AFF3: variants seen among roughly 807,000 people sequenced by gnomAD.
AFF3 encodes the protein AF4/FMR2 family member 3.
AFF3 carries 32 observed loss-of-function variants against 129.7 expected under a neutral mutation model. The observed-to-expected ratio is 0.25, with a 90% CI of 0.19 to 0.33. The LOEUF (loss-of-function observed/expected upper bound fraction) is 0.33. Among genes scored for constraint, AFF3 ranks in the 10% least tolerant of loss-of-function variants. AFF3 has a pLI of 1.00. For synonymous variants in AFF3, 644 were observed against 635.4 expected, an observed-to-expected ratio of 1.01 and a Z score of -0.20; for missense variants, 1,373 against 1,592.0, an observed-to-expected ratio of 0.86 and a Z score of 2.34.
rs200905671 is a variant in AFF3 at position 100,006,730 on chromosome 2, C to T, written c.775G>A (p.Val259Met). ...ACTCCCCTGTATGATGTGCAGTGCA[C>T]GCTGGTTTCCGAAGACGACTTCAGC... ...PKLKSSSETS[V>M]HCTSYRGVPA... The change falls in exon 7 of 25, where the codon GTG becomes ATG. Residue 259 changes from valine to methionine, a missense_variant. Transcript: ENST00000672756. 439 of 1,614,082 alleles carry T rather than the reference C, an allele frequency of 2.7e-4. No homozygotes were observed. The highest frequency in any genetic ancestry group is 3.4e-4 in the Non-Finnish European group (406 of 1,180,022).
chr2:99,881,015 T>G (rs1692673729), intron 7 of AFF3, among the ~76,000 whole-genome samples: 1 of 152,082 alleles, frequency 6.6e-6, no homozygotes, highest in African/African-American at 2.4e-5. Context: ...CAACAGGCTT[T>G]CTATTTCTGA....
At chr2:99,930,174 G>C (rs1696570728) in intron 7 of AFF3, among the ~76,000 whole-genome samples, 1 of 152,086 alleles carries the variant, frequency 6.6e-6, no homozygotes, top group Non-Finnish European at 1.5e-5. Flanking sequence ...AACTATAAAA[G>C]AAGACTTTGT....
At chr2:99,925,667 C>T (rs1696185739) in intron 7 of AFF3, among the ~76,000 whole-genome samples, 1 of 152,194 alleles carries the variant, frequency 6.6e-6, no homozygotes, top group South Asian at 2.1e-4. Flanking sequence ...CATGCTTCCA[C>T]AGGGTTCAAG....
rs201416603 is a variant in AFF3, at chr2:99,582,890, G to A, written c.2701C>T (p.Arg901Ter). ...GTAAACAAACTGTTGCCATTAGGTC[G>A]GCTGGAAGAAGTTAAGTCCTCGCTG... is the stretch of plus-strand genomic sequence containing the variant. ...YTSEDLTSSS[R>*]PNGNSLFTSA... is the part of the protein sequence containing the mutation. The change falls in exon 17 of 25, where the codon CGA becomes TGA. Residue 901 changes from arginine (R) to a stop codon, truncating the protein, a stop_gained. Transcript: ENST00000672756. LOFTEE classifies it high-confidence loss of function. 1 of 1,614,178 alleles carries A rather than the reference G, an allele frequency of 6.2e-7. No individual in the cohort carries two copies. The highest frequency in any genetic ancestry group is 2.2e-5 in the East Asian group (1 of 44,884).
chr2:100,038,181 C>G lies in AFF3; in HGVS notation c.54-29249G>C, dbSNP rs925928253. 6.6e-5 allele frequency among the ~76,000 whole-genome samples: 10 copies of G among 152,048 alleles called. No homozygotes were observed. The South Asian group carries it at 2.1e-3, about 32-fold the overall frequency. ...CTAAGACAGAAGGATCTGCAGGAGA[C>G]GCCCAAGGACACCTCAGCTGGGCTG... On this transcript the variant is annotated intron_variant, in intron 4 of 24. Coordinates refer to ENST00000672756, the MANE Select transcript of AFF3 (RefSeq NM_001386135.1).
rs1386872142 is a variant in AFF3, at chr2:99,551,030, T to C, written c.*444A>G. The C allele has an allele frequency of 2.5e-6, 1 of 403,378 alleles. No individual in the cohort carries two copies. Among genetic ancestry groups the C allele is most frequent in the African/African-American group, 2.0e-5 (1 of 49,024 alleles). 25.0% of individuals were successfully genotyped at this position (403,378 alleles called of 1,614,324 possible). ...TCCATCTTCACTGGCAGTCAAGCTT[T>C]TGGTGTGCTGTATTGCACCTGGTTA... On this transcript the variant is annotated 3_prime_UTR_variant, in exon 25 of 25. Transcript: ENST00000672756.
intron 5 of AFF3, 122 bp downstream of exon 5, chr2:100,008,690 T>G (rs1359606454): frequency 7.9e-7 from 1 of 1,265,456 alleles, no homozygotes; most frequent in African/African-American, 1.5e-5. Context: ...CTGTCTTCCC[T>G]GGGCTGAACA....
chr2:99,554,297 G>A lies in AFF3; in HGVS notation c.3559+14C>T, dbSNP rs761945585. The A allele has an allele frequency of 5.0e-6, 8 of 1,613,892 alleles. No homozygotes were observed. Among genetic ancestry groups the A allele is most frequent in the South Asian group, 1.1e-5 (1 of 91,074 alleles). The stretch of plus-strand genomic sequence containing the variant: ...AGGCGGAAGCCCCTGGTTCCCCGTG[G>A]GGTGTGCGCTCACCTCGGTTTTCCT... On this transcript the variant is annotated intron_variant, in intron 24 of 24. Coordinates refer to ENST00000672756, the MANE Select transcript of AFF3 (RefSeq NM_001386135.1).
At chr2:100,026,530 C>T (rs1196653631) in intron 4 of AFF3, among the ~76,000 whole-genome samples, 1 of 152,012 alleles carries the variant, frequency 6.6e-6, no homozygotes, top group African/African-American at 2.4e-5. Flanking sequence ...CTATTTGATC[C>T]TGCAATCCCA....
chr2:99,855,339 A>C (rs1690446853), intron 7 of AFF3, among the ~76,000 whole-genome samples: 1 of 152,194 alleles, frequency 6.6e-6, no homozygotes, highest in Non-Finnish European at 1.5e-5. Flanking sequence ...TAAAGCTGTT[A>C]CAAAAAAATT....
intron 11 of AFF3, among the ~76,000 whole-genome samples, chr2:99,684,079 G>A (rs1217770477): frequency 3.3e-5 from 5 of 152,306 alleles, no homozygotes; most frequent in Non-Finnish European, 7.4e-5. Flanking sequence ...ACTGTAGGGG[G>A]AGAATGACCC....
At chr2:99,945,987 G>T (rs996568733) in intron 7 of AFF3, among the ~76,000 whole-genome samples, 1 of 152,220 alleles carries the variant, frequency 6.6e-6, no homozygotes, top group South Asian at 2.1e-4. Context: ...TGCAAAGCCA[G>T]TTAACTAAAT....
At chr2:100,076,979 T>C (rs994540006) in intron 4 of AFF3, among the ~76,000 whole-genome samples, 1 of 152,140 alleles carries the variant, frequency 6.6e-6, no homozygotes, top group Non-Finnish European at 1.5e-5. Flanking sequence ...CCAGGCACAG[T>C]GGCTCACACC....
At chr2:99,755,576 T>A (rs910904602) in intron 8 of AFF3, among the ~76,000 whole-genome samples, 10 of 152,118 alleles carry the variant, frequency 6.6e-5, no homozygotes, top group Non-Finnish European at 1.5e-4. Context: ...CCCTATTGGT[T>A]TTTTAAAGGC....
chr2:100,006,023 C>G (rs938911306), intron 7 of AFF3: 1 of 152,140 alleles, frequency 6.6e-6, no homozygotes, highest in Admixed American at 6.6e-5. Context: ...TCTTCATGTA[C>G]TCTTCACAAC....
chr2:99,934,350 G>A (rs879151621), intron 7 of AFF3, among the ~76,000 whole-genome samples: 1 of 152,158 alleles, frequency 6.6e-6, no homozygotes, highest in Admixed American at 6.5e-5. Context: ...TGTTCTGTGA[G>A]CTTTCATAAA....
At chr2:99,904,477 A>C (rs914310980) in intron 7 of AFF3, among the ~76,000 whole-genome samples, 1 of 152,036 alleles carries the variant, frequency 6.6e-6, no homozygotes, top group Middle Eastern at 3.2e-3. Flanking sequence ...ATTTTGAATT[A>C]ATGTATTTAC....
intron 4 of AFF3, among the ~76,000 whole-genome samples, chr2:100,073,494 C>T (rs1199302493): frequency 2.6e-5 from 4 of 152,212 alleles, no homozygotes; most frequent in Non-Finnish European, 4.4e-5. Context: ...CCAGGTGACA[C>T]ACACCTGCTG....
At position 99,551,448 on chromosome 2, in the gene AFF3, C is replaced by G; in HGVS notation, c.*26G>C. The G allele has an allele frequency of 6.2e-7, 1 of 1,608,384 alleles. No homozygotes were observed. On this transcript the variant is annotated 3_prime_UTR_variant, in exon 25 of 25. Coordinates refer to ENST00000672756, the MANE Select transcript of AFF3 (RefSeq NM_001386135.1). ...GTTGAGCCATCTGTGGAGACCAGAG[C>G]CCACTCTGGCCCCAGGGTGAGGTCC...
Sources: allele counts gnomAD v4.1 joint callset (sites outside exome capture counted in the v4.1 genomes callset), GRCh38; gene constraint gnomAD v4.1.1; transcripts MANE v1.5; gene names NCBI Gene and HGNC (gene_info 2026-07-23, HGNC 2026-07-21).